LUZP2: variants seen among roughly 807,000 people sequenced by gnomAD.
LUZP2 encodes the protein leucine zipper protein 2.
A neutral mutation model predicts 51.6 loss-of-function variants in LUZP2; 52 were observed. That is an observed-to-expected ratio of 1.01 (90% CI 0.81 to 1.27). The LOEUF is 1.27. LUZP2 is among the 50% of genes most tolerant of loss of function. The pLI, the probability that LUZP2 is intolerant of heterozygous loss-of-function variation, is 0.00. For missense variants in LUZP2, 436 were observed against 395.4 expected (o/e 1.10, Z -0.87); for synonymous variants, 154 against 137.3 (o/e 1.12, Z -0.85).
chr11:25,077,255 AG>A lies in LUZP2; in HGVS notation c.859-73del, dbSNP rs1466311715. ...ATCTTCTCAACAGGAAGAATTCAAG[AG>A]AGTGTTTTTGACTCCCCCCTCCACT... On this transcript the variant is annotated intron_variant, in intron 10 of 11. Transcript: ENST00000336930. The A allele has an allele frequency of 6.5e-6, 7 of 1,077,860 alleles. No homozygotes were observed. In the African/African-American group the frequency reaches 1.1e-4, roughly 17 times the overall value. The allele number at this position is 1,077,860 out of a possible 1,614,324, so 66.8% of individuals were successfully genotyped here.
At chr11:24,909,837 C>T (rs780424687) in intron 6 of LUZP2, among the ~76,000 whole-genome samples, 2 of 152,054 alleles carry the variant, frequency 1.3e-5, no homozygotes, top group African/African-American at 4.8e-5. Flanking sequence ...TGGGGTGCTG[C>T]TGTAATGATA....
chr11:24,556,786 C>T (rs1382515478), intron 1 of LUZP2, among the ~76,000 whole-genome samples: 1 of 152,122 alleles, frequency 6.6e-6, no homozygotes, highest in African/African-American at 2.4e-5. Context: ...TTCTCCAACC[C>T]TATTTTTTGC....
At chr11:24,978,281 C>T (rs183651288) in intron 8 of LUZP2, among the ~76,000 whole-genome samples, 1 of 151,784 alleles carries the variant, frequency 6.6e-6, no homozygotes, top group Admixed American at 6.6e-5. Context: ...CCAATTATTA[C>T]TTTTAAAAAA....
At chr11:24,814,990 T>G (rs1220835558) in intron 5 of LUZP2, among the ~76,000 whole-genome samples, 6 of 21,898 alleles carry the variant, frequency 2.7e-4, no homozygotes, top group African/African-American at 3.8e-4. Flanking sequence ...AGACTCCGTC[T>G]CAAAAAAAAA....
chr11:24,943,630 C>A (rs537664623), intron 7 of LUZP2, among the ~76,000 whole-genome samples: 6 of 152,254 alleles, frequency 3.9e-5, no homozygotes, highest in Non-Finnish European at 7.4e-5. Flanking sequence ...GTAATCCCAG[C>A]ACTTTGGGAG....
At chr11:24,772,468 G>A (rs1157902996) in intron 5 of LUZP2, among the ~76,000 whole-genome samples, 2 of 152,136 alleles carry the variant, frequency 1.3e-5, no homozygotes, top group African/African-American at 4.8e-5. Context: ...ACACACCCAA[G>A]AGGTTTTTAA....
chr11:24,971,468 G>T (rs1855733207), intron 7 of LUZP2, among the ~76,000 whole-genome samples: 1 of 152,022 alleles, frequency 6.6e-6, no homozygotes. Flanking sequence ...TGGCATAGGG[G>T]CTGGGGACCA....
At chr11:25,038,578 CT>C (rs1292439099) in intron 9 of LUZP2, among the ~76,000 whole-genome samples, 2 of 152,204 alleles carry the variant, frequency 1.3e-5, no homozygotes, top group Non-Finnish European at 2.9e-5. Context: ...CTTTCTTGAA[CT>C]GAGTTTCGAC....
chr11:24,897,058 A>G (rs546733041), intron 5 of LUZP2, among the ~76,000 whole-genome samples: 1 of 152,240 alleles, frequency 6.6e-6, no homozygotes, highest in East Asian at 1.9e-4. Context: ...TTGTAAACAC[A>G]CCAATCAGTG....
At chr11:24,722,507 CA>C (rs1174525745) in intron 1 of LUZP2, among the ~76,000 whole-genome samples, 15 of 152,126 alleles carry the variant, frequency 9.9e-5, no homozygotes, top group Non-Finnish European at 1.3e-4. Context: ...GTTCCTCCCA[CA>C]ACATGTAGGA....
intron 5 of LUZP2, among the ~76,000 whole-genome samples, chr11:24,773,661 A>G (rs1442306921): frequency 6.6e-6 from 1 of 152,146 alleles, no homozygotes; most frequent in Non-Finnish European, 1.5e-5. Flanking sequence ...GAGGTCCCTT[A>G]GGGTGCACAT....
chr11:24,966,586 A>G (rs1203225772), intron 7 of LUZP2, among the ~76,000 whole-genome samples: 1 of 149,352 alleles, frequency 6.7e-6, no homozygotes, highest in African/African-American at 2.4e-5. Context: ...ATCAAGGTTG[A>G]TTTTATACAT....
chr11:24,861,796 C>T (rs972410227), intron 5 of LUZP2, among the ~76,000 whole-genome samples: 2 of 152,162 alleles, frequency 1.3e-5, no homozygotes, highest in African/African-American at 2.4e-5. Flanking sequence ...ACAGTAGAAT[C>T]GCTCCTGTAT....
chr11:24,622,474 G>T (rs1212973352), intron 1 of LUZP2, among the ~76,000 whole-genome samples: 3 of 152,042 alleles, frequency 2.0e-5, no homozygotes, highest in Non-Finnish European at 4.4e-5. Flanking sequence ...GCTTCCCAAA[G>T]TGCGGGATTT....
chr11:24,767,566 C>G (rs1426764080), intron 5 of LUZP2, among the ~76,000 whole-genome samples: 1 of 152,144 alleles, frequency 6.6e-6, no homozygotes, highest in Non-Finnish European at 1.5e-5. Flanking sequence ...TGTTTAAGCT[C>G]AAGTTTTGTT....
chr11:24,782,088 C>T (rs973771126), intron 5 of LUZP2, among the ~76,000 whole-genome samples: 2 of 152,034 alleles, frequency 1.3e-5, no homozygotes, highest in Non-Finnish European at 2.9e-5. Flanking sequence ...TTTCTAATAG[C>T]TGTTTAGAGA....
At chr11:25,030,972 A>ATACAT (rs1331561954) in intron 9 of LUZP2, among the ~76,000 whole-genome samples, 1 of 10,780 alleles carries the variant, frequency 9.3e-5, no homozygotes, top group Non-Finnish European at 1.4e-4. Flanking sequence ...AATATATATT[A>ATACAT]TATATATATA....
intron 5 of LUZP2, among the ~76,000 whole-genome samples, chr11:24,814,138 A>G (rs1850102812): frequency 6.6e-6 from 1 of 152,248 alleles, no homozygotes; most frequent in Non-Finnish European, 1.5e-5. Flanking sequence ...CTTTCCCACC[A>G]TCTTTCTCTT....
intron 5 of LUZP2, among the ~76,000 whole-genome samples, chr11:24,769,358 T>C (rs950624023): frequency 4.6e-5 from 7 of 152,168 alleles, no homozygotes; most frequent in Non-Finnish European, 1.0e-4. Flanking sequence ...GTGTATTATG[T>C]ATTTCAAAAT....
Sources: gnomAD v4.1 joint callset for allele counts (sites outside exome capture counted in the v4.1 genomes callset) on GRCh38, gnomAD v4.1.1 for gene constraint, MANE v1.5 for transcripts, NCBI Gene and HGNC (gene_info 2026-07-23, HGNC 2026-07-21) for gene names.